The following RICTOR variants were observed in gnomAD, a reference collection of about 807,000 sequenced individuals.
The protein encoded by RICTOR is rapamycin-insensitive companion of mTOR.
In RICTOR, 49 loss-of-function variants were observed where a neutral mutation model predicts 214.9. That is an observed-to-expected ratio of 0.23 (90% confidence interval 0.18 to 0.29). RICTOR has a LOEUF of 0.29. Among genes scored for constraint, RICTOR ranks in the 10% least tolerant of loss-of-function variants. The pLI is 1.00. For missense variants in RICTOR, 1,625 were observed against 2,047.0 expected, an observed-to-expected ratio of 0.79 and a Z score of 3.98; for synonymous variants, 717 against 711.3, an observed-to-expected ratio of 1.01 and a Z score of -0.13.
rs536943030 is a variant in RICTOR, at chr5:39,021,806, C to T, written c.98-670G>A. 6.6e-5 allele frequency among the ~76,000 whole-genome samples: 10 copies of T among 152,264 alleles called. No individual in the cohort carries two copies. In the East Asian group the frequency reaches 1.7e-3, roughly 26 times the overall value. On this transcript the variant is annotated intron_variant, in intron 2 of 37. Coordinates refer to ENST00000357387, the MANE Select transcript of RICTOR (RefSeq NM_152756.5). ...GATACTGTGTTACAGCAGCATGAAACAGACTAAGAAAAATCTCAGCATCAC... is the reference window on the plus strand; with the variant it reads ...GATACTGTGTTACAGCAGCATGAAATAGACTAAGAAAAATCTCAGCATCAC...
intron 3 of RICTOR, among the ~76,000 whole-genome samples, chr5:39,004,776 C>CTTTT (rs70982534): frequency 8.5e-5 from 9 of 105,828 alleles, no homozygotes; most frequent in East Asian, 5.9e-4. Context: ...CTCTCAGACT[C>CTTTT]TTTTTTTTTT....
chr5:38,967,967 ACTC>A lies in RICTOR; in HGVS notation c.1033_1035del (p.Glu345del). ...CCTACACTGAGTAGTGCTTCTATGAACTCCTCAGTCACAACAGGTAGAGGAAGA... is the reference window on the plus strand; with the variant it reads ...CCTACACTGAGTAGTGCTTCTATGAACTCAGTCACAACAGGTAGAGGAAGA... On this transcript the variant is annotated inframe_deletion, in exon 12 of 38. Coordinates refer to ENST00000357387, the MANE Select transcript of RICTOR (RefSeq NM_152756.5). 3 of 1,595,866 alleles carry A rather than the reference ACTC, an allele frequency of 1.9e-6. No homozygotes were observed. The highest frequency in any genetic ancestry group is 2.6e-6 in the Non-Finnish European group (3 of 1,163,736).
chr5:39,057,879 ATAGT>A (rs1470194851), intron 2 of RICTOR, among the ~76,000 whole-genome samples: 4 of 152,176 alleles, frequency 2.6e-5, no homozygotes, highest in African/African-American at 4.8e-5. Context: ...ATTAATACTC[ATAGT>A]TAATTATCAG....
chr5:39,069,289 G>A (rs1026212557), intron 2 of RICTOR, among the ~76,000 whole-genome samples: 2 of 152,042 alleles, frequency 1.3e-5, no homozygotes, highest in Admixed American at 6.5e-5. Flanking sequence ...TAATATTGTC[G>A]TTATCATTCC....
rs1747591043 is a variant in RICTOR, at chr5:38,941,705, A to G, written c.*599T>C. 1 of 232,224 alleles carries G rather than the reference A, an allele frequency of 4.3e-6. No individual in the cohort carries two copies. Among genetic ancestry groups the G allele is most frequent in the African/African-American group, 2.2e-5 (1 of 45,266 alleles). 14.4% of individuals were successfully genotyped at this position (232,224 alleles called of 1,614,324 possible). ...TCTAGTAACATAAAAATAACTTATA[A>G]GTCCCGGGTTGTTGAGGCTCTTCTT... On this transcript the variant is annotated 3_prime_UTR_variant, in exon 38 of 38. Transcript: ENST00000357387.
At chr5:39,058,074 T>A (rs1335432080) in intron 2 of RICTOR, among the ~76,000 whole-genome samples, 2 of 151,950 alleles carry the variant, frequency 1.3e-5, no homozygotes, top group African/African-American at 4.8e-5. Context: ...TTTAATCAAT[T>A]TCCTACAAAA....
chr5:39,002,407 TATATATATAC>T, intron 5 of RICTOR, 118 bp downstream of exon 5: 4 of 570,492 alleles, frequency 7.0e-6, no homozygotes, highest in Non-Finnish European at 1.3e-5. Flanking sequence ...TGTGTATATA[TATATATATAC>T]ACACACACAA....
chr5:39,053,842 G>A lies in RICTOR; in HGVS notation c.97+20269C>T, dbSNP rs577648020. On this transcript the variant is annotated intron_variant, in intron 2 of 37. Coordinates refer to ENST00000357387, the MANE Select transcript of RICTOR (RefSeq NM_152756.5). ...CAGGGGGCGGAGCCTGCAGTGAGCC[G>A]AGATTGCGCCACTGCACTCCAGCCT... Among the ~76,000 whole-genome samples, 49 of 144,598 alleles carry A rather than the reference G, an allele frequency of 3.4e-4. 1 individual carries two copies. Among genetic ancestry groups the A allele is most frequent in the Non-Finnish European group, 6.0e-4 (40 of 66,952 alleles). 94.9% of individuals were successfully genotyped at this position (144,598 alleles called of 152,430 possible). A position where few individuals can be genotyped will look rare whatever the true frequency, so the allele number is the denominator to read the frequency against.
At chr5:38,975,321 T>A (rs140926156) in intron 10 of RICTOR, among the ~76,000 whole-genome samples, 3 of 152,164 alleles carry the variant, frequency 2.0e-5, no homozygotes, top group South Asian at 4.1e-4. Context: ...TAAATATGTG[T>A]ATACTGATCA....
At chr5:38,966,761 T>C (rs368396335) in intron 14 of RICTOR, 40 bp from the exon 15 acceptor site, 77 of 1,090,090 alleles carry the variant, frequency 7.1e-5, no homozygotes, top group Non-Finnish European at 9.4e-5. Context: ...TGCAAAATAA[T>C]ACATATGAAA....
chr5:38,966,570 T>A, intron 15 of RICTOR, 71 bp downstream of exon 15: 1 of 786,244 alleles, frequency 1.3e-6, no homozygotes. Context: ...AGCAACACTA[T>A]TAAAATAACT....
Position 38,945,486 on chromosome 5 carries a change from CTT to C in RICTOR, c.4633+3_4633+4del, listed in dbSNP as rs1748089037. Reference sequence around the variant, plus strand: ...TTTTTCTGAAGGTGGGACGTGATCACTTACCTGAATGACTACATATTGCACTC... The same window carrying C: ...TTTTTCTGAAGGTGGGACGTGATCACACCTGAATGACTACATATTGCACTC... On this transcript the variant is annotated splice_donor_region_variant and intron_variant, in intron 34 of 37. Coordinates refer to ENST00000357387, the MANE Select transcript of RICTOR (RefSeq NM_152756.5). 1 of 1,592,260 alleles carries C rather than the reference CTT, an allele frequency of 6.3e-7. No homozygotes were observed. The highest frequency in any genetic ancestry group is 1.7e-5 in the Admixed American group (1 of 59,752).
chr5:39,001,747 A>G (rs1034115899), intron 5 of RICTOR, among the ~76,000 whole-genome samples: 1 of 152,114 alleles, frequency 6.6e-6, no homozygotes, highest in Non-Finnish European at 1.5e-5. Context: ...ACTTTCAACC[A>G]GCAAATGAAA....
intron 2 of RICTOR, among the ~76,000 whole-genome samples, chr5:39,064,608 C>T (rs1758772221): frequency 6.6e-6 from 1 of 152,196 alleles, no homozygotes; most frequent in South Asian, 2.1e-4. Flanking sequence ...CCCCACTGTG[C>T]TTTTCGCAGT....
rs543907913 is a variant in RICTOR, at chr5:38,962,213, G to A, written c.1715+102C>T. 5 of 462,232 alleles carry A rather than the reference G, an allele frequency of 1.1e-5. No homozygotes were observed. In the South Asian group the frequency reaches 2.6e-4, roughly 24 times the overall value. The allele number at this position is 462,232 out of a possible 1,614,324, so 28.6% of individuals were successfully genotyped here. The stretch of plus-strand genomic sequence containing the variant: ...CCTATTGAAGAGACATTGTTAAAAT[G>A]TATGTATATGTCTTTAAAATTATTA... On this transcript the variant is annotated intron_variant, in intron 19 of 37. Transcript: ENST00000357387.
chr5:38,971,862 A>G lies in RICTOR; in HGVS notation c.972+15T>C, dbSNP rs980077521. The G allele has an allele frequency of 1.1e-5, 12 of 1,067,170 alleles. No individual in the cohort carries two copies. The highest frequency in any genetic ancestry group is 2.0e-4 in the Middle Eastern group (1 of 5,034). The allele number at this position is 1,067,170 out of a possible 1,614,324, so 66.1% of individuals were successfully genotyped here. On this transcript the variant is annotated intron_variant, in intron 11 of 37. Transcript: ENST00000357387. Reference sequence around the variant, plus strand: ...AAGGTCCAGGAATGAAACAATCCTAATAACTTTTACCTACCCTTATTTCCA... The same window carrying G: ...AAGGTCCAGGAATGAAACAATCCTAGTAACTTTTACCTACCCTTATTTCCA...
chr5:38,996,389 G>A (rs1414421916), intron 6 of RICTOR, among the ~76,000 whole-genome samples: 1 of 152,178 alleles, frequency 6.6e-6, no homozygotes, highest in Non-Finnish European at 1.5e-5. Flanking sequence ...TATTGCAACT[G>A]CCCACAGATT....
intron 6 of RICTOR, among the ~76,000 whole-genome samples, chr5:38,991,486 C>T (rs564344993): frequency 6.6e-6 from 1 of 152,056 alleles, no homozygotes; most frequent in Admixed American, 6.6e-5. Context: ...TCACCAAGTC[C>T]TACCAATTTA....
At chr5:38,955,951 G>A (rs191920638) in intron 25 of RICTOR, among the ~76,000 whole-genome samples, 21 of 152,042 alleles carry the variant, frequency 1.4e-4, no homozygotes, top group Middle Eastern at 6.8e-3. Context: ...TTACTGCACA[G>A]ACAATGCCAG....
Sources: gnomAD v4.1 joint callset for allele counts (sites outside exome capture counted in the v4.1 genomes callset) on GRCh38, gnomAD v4.1.1 for gene constraint, MANE v1.5 for transcripts, NCBI Gene and HGNC (gene_info 2026-07-23, HGNC 2026-07-21) for gene names.